The following TMEM74 variants were observed in gnomAD, a reference collection of about 807,000 sequenced individuals.
TMEM74 encodes transmembrane protein 74.
Under a neutral mutation model 18.1 loss-of-function variants are expected in TMEM74, and 13 were observed. The observed-to-expected ratio is 0.72, with a 90% CI of 0.47 to 1.14. The LOEUF (loss-of-function observed/expected upper bound fraction) is 1.14, where lower values mean the gene tolerates loss of function less well. TMEM74 is among the 50% of genes most tolerant of loss of function. TMEM74 has a pLI of 0.00. For missense variants in TMEM74, 372 were observed against 375.9 expected, an observed-to-expected ratio of 0.99 and a Z score of 0.09; for synonymous variants, 159 against 146.6, an observed-to-expected ratio of 1.08 and a Z score of -0.61.
At chr8:108,639,621 T>A (rs1433363880) in intron 2 of TMEM74, among the ~76,000 whole-genome samples, 1 of 152,158 alleles carries the variant, frequency 6.6e-6, no homozygotes, top group Non-Finnish European at 1.5e-5. Flanking sequence ...ACCTTTTGGG[T>A]GGGATAATTT....
intron 1 of TMEM74, among the ~76,000 whole-genome samples, chr8:108,725,255 T>C (rs1813625050): frequency 6.6e-6 from 1 of 152,210 alleles, no homozygotes; most frequent in Admixed American, 6.5e-5. Flanking sequence ...GTCTTTATGA[T>C]AGCTCTTAGC....
At chr8:108,756,658 A>AAGAAAG (rs1813972430) in intron 1 of TMEM74, among the ~76,000 whole-genome samples, 2 of 75,302 alleles carry the variant, frequency 2.7e-5, no homozygotes, top group African/African-American at 1.3e-4. Context: ...AAGAGAAAGA[A>AAGAAAG]AGAAAGAAAG....
intron 1 of TMEM74, among the ~76,000 whole-genome samples, chr8:108,665,457 G>A (rs114460919): frequency 7.2e-5 from 11 of 152,198 alleles, no homozygotes; most frequent in African/African-American, 2.4e-4. Flanking sequence ...AACAAGGAGA[G>A]CACAGTAGAG....
chr8:108,619,443 C>T (rs1812417744), intron 2 of TMEM74, among the ~76,000 whole-genome samples: 1 of 152,162 alleles, frequency 6.6e-6, no homozygotes, highest in South Asian at 2.1e-4. Context: ...GAAGCCTGTC[C>T]ACTTTCCACA....
chr8:108,775,973 A>C (rs1300652241), downstream of TMEM74, among the ~76,000 whole-genome samples: 1 of 152,242 alleles, frequency 6.6e-6, no homozygotes, highest in Non-Finnish European at 1.5e-5. Context: ...ATTCCAGAAC[A>C]GTTACTTTTG....
intron 1 of TMEM74, among the ~76,000 whole-genome samples, chr8:108,702,800 T>C (rs1350198763): frequency 7.2e-6 from 1 of 138,956 alleles, no homozygotes; most frequent in Non-Finnish European, 1.5e-5. Flanking sequence ...TTAGATACTA[T>C]ATCAAAAAGA....
chr8:108,615,688 C>T (rs2130537689), intron 2 of TMEM74, among the ~76,000 whole-genome samples: 1 of 152,100 alleles, frequency 6.6e-6, no homozygotes, highest in Middle Eastern at 3.4e-3. Context: ...TTCATACCAG[C>T]ATAAGAAGGT....
chr8:108,732,026 T>G (rs1813700455), intron 1 of TMEM74, among the ~76,000 whole-genome samples: 1 of 152,194 alleles, frequency 6.6e-6, no homozygotes, highest in Non-Finnish European at 1.5e-5. Flanking sequence ...TTTCATCCTT[T>G]TCTTTCAGTT....
chr8:108,682,355 A>G (rs1282271580), intron 1 of TMEM74, among the ~76,000 whole-genome samples: 1 of 152,066 alleles, frequency 6.6e-6, no homozygotes, highest in Non-Finnish European at 1.5e-5. Context: ...CACTTTTCAA[A>G]GAGATTTTCT....
chr8:108,620,589 G>A (rs913044862), intron 2 of TMEM74, among the ~76,000 whole-genome samples: 4 of 152,134 alleles, frequency 2.6e-5, no homozygotes, highest in African/African-American at 9.7e-5. Context: ...ATCCTTTGTG[G>A]TGAAGCTGGC....
At chr8:108,642,707 C>T (rs1009464785) in intron 2 of TMEM74, among the ~76,000 whole-genome samples, 1 of 152,082 alleles carries the variant, frequency 6.6e-6, no homozygotes, top group Admixed American at 6.6e-5. Flanking sequence ...AAATAGGTAG[C>T]TATTCAATAA....
intron 1 of TMEM74, among the ~76,000 whole-genome samples, chr8:108,710,249 G>A (rs995433838): frequency 1.3e-5 from 2 of 152,212 alleles, no homozygotes; most frequent in African/African-American, 4.8e-5. Context: ...GCTTAGCATT[G>A]TCTGCTTTAC....
At position 108,767,534 on chromosome 8, in the gene TMEM74, T is replaced by C. The variant is rs142120782; in HGVS notation, n.119+19942A>G. Among the ~76,000 whole-genome samples, 397 of 152,318 alleles carry C rather than the reference T, an allele frequency of 2.6e-3. 1 individual carries two copies. The highest frequency in any genetic ancestry group is 8.7e-3 in the African/African-American group (362 of 41,582). On this transcript the variant is annotated intron_variant and non_coding_transcript_variant, in intron 1 of 3. Transcript: ENST00000518838. Reference sequence around the variant, plus strand: ...AAAACCATTTTTCACTGTTGCTCAGTGTCCTTTATATACAGATCTGTGTGA... The same window carrying C: ...AAAACCATTTTTCACTGTTGCTCAGCGTCCTTTATATACAGATCTGTGTGA...
Position 108,781,864 on chromosome 8 carries a change from T to C in TMEM74, c.*2317A>G, listed in dbSNP as rs913348193. On this transcript the variant is annotated 3_prime_UTR_variant, in exon 2 of 2. Transcript: ENST00000297459. ...TATTTGGTAGCCCTGCAAGATTCAT[T>C]AAATGCTTCCACATGAAAAGCTTTA... Among the ~76,000 whole-genome samples the C allele has an allele frequency of 4.6e-5, 7 of 152,224 alleles. No homozygotes were observed. The highest frequency in any genetic ancestry group is 2.0e-4 in the Admixed American group (3 of 15,280).
rs1421654533 is a variant in TMEM74, at chr8:108,779,994, G to A, written c.*4187C>T. Among the ~76,000 whole-genome samples the A allele has an allele frequency of 6.6e-6, 1 of 152,128 alleles. No homozygotes were observed. Among genetic ancestry groups the A allele is most frequent in the African/African-American group, 2.4e-5 (1 of 41,412 alleles). On this transcript the variant is annotated 3_prime_UTR_variant, in exon 2 of 2. Transcript: ENST00000297459. ...AGCTAAAAATCAGCCAAAAGGAAAT[G>A]ATATGTTAATTCTCTTTCTTAAGTA... is the stretch of plus-strand genomic sequence containing the variant.
intron 1 of TMEM74, among the ~76,000 whole-genome samples, chr8:108,747,318 T>G (rs1813858407): frequency 6.6e-6 from 1 of 152,112 alleles, no homozygotes; most frequent in Non-Finnish European, 1.5e-5. Flanking sequence ...AAGAGTTTTC[T>G]ATACAATGTT....
chr8:108,609,085 C>T (rs925862719), intron 2 of TMEM74, among the ~76,000 whole-genome samples: 1 of 152,150 alleles, frequency 6.6e-6, no homozygotes, highest in Non-Finnish European at 1.5e-5. Flanking sequence ...TATAAAAGGT[C>T]TTGCAAAGTT....
rs150492589 is a variant in TMEM74, at chr8:108,747,172, C to G, written n.119+40304G>C. Reference sequence around the variant, plus strand: ...AACCTGTTGGGATCTGATGCTATCTCTAGTTAGATAGTGTCCAAATTGAGT... The same window carrying G: ...AACCTGTTGGGATCTGATGCTATCTGTAGTTAGATAGTGTCCAAATTGAGT... On this transcript the variant is annotated intron_variant and non_coding_transcript_variant, in intron 1 of 3. Transcript: ENST00000518838. Among the ~76,000 whole-genome samples the G allele has an allele frequency of 6.3e-3, 963 of 152,130 alleles. 14 individuals are homozygous for G. The highest frequency in any genetic ancestry group is 0.022 in the African/African-American group (895 of 41,522).
intron 2 of TMEM74, among the ~76,000 whole-genome samples, chr8:108,624,546 A>G (rs1264203614): frequency 6.6e-6 from 1 of 152,122 alleles, no homozygotes; most frequent in Non-Finnish European, 1.5e-5. Context: ...CAAAATAGAT[A>G]TGCAAATATA....
Sources: gnomAD v4.1 joint callset for allele counts (sites outside exome capture counted in the v4.1 genomes callset) on GRCh38, gnomAD v4.1.1 for gene constraint, MANE v1.5 for transcripts, NCBI Gene and HGNC (gene_info 2026-07-23, HGNC 2026-07-21) for gene names.